The following WWOX variants were observed in gnomAD, a reference collection of about 807,000 sequenced individuals.
WWOX encodes the protein WW domain-containing oxidoreductase.
A neutral mutation model predicts 46.2 loss-of-function variants in WWOX; 69 were observed. That is an observed-to-expected ratio of 1.49 (90% CI 1.23 to 1.82). The LOEUF (loss-of-function observed/expected upper bound fraction) is 1.82. WWOX is among the 40% of genes most tolerant of loss of function. The pLI is 0.00. For missense variants in WWOX, 919 were observed against 542.6 expected (o/e 1.69, Z -6.89); for synonymous variants, 359 against 202.6 (o/e 1.77, Z -6.56).
intron 8 of WWOX, among the ~76,000 whole-genome samples, chr16:78,526,829 C>A (rs1192361305): frequency 6.6e-6 from 1 of 152,108 alleles, no homozygotes; most frequent in African/African-American, 2.4e-5. Flanking sequence ...TGAGGGGGGT[C>A]TGGGAGGGAG....
chr16:78,199,950 A>G (rs2036181853), intron 5 of WWOX, among the ~76,000 whole-genome samples: 1 of 152,246 alleles, frequency 6.6e-6, no homozygotes, highest in African/African-American at 2.4e-5. Context: ...TCCTAGTAGG[A>G]AAAATATTTA....
At chr16:79,170,674 T>TA (rs1190954517) in intron 8 of WWOX, among the ~76,000 whole-genome samples, 1 of 152,010 alleles carries the variant, frequency 6.6e-6, no homozygotes, top group Admixed American at 6.6e-5. Context: ...ACTTCTATTT[T>TA]TTTTTACAGT....
At chr16:78,696,476 T>G (rs201088355) in intron 8 of WWOX, among the ~76,000 whole-genome samples, 1 of 152,092 alleles carries the variant, frequency 6.6e-6, no homozygotes, top group African/African-American at 2.4e-5. Flanking sequence ...AGTTTCGATT[T>G]TTTTTTTTCA....
intron 8 of WWOX, among the ~76,000 whole-genome samples, chr16:78,923,895 G>C (rs546774292): frequency 6.7e-6 from 1 of 150,310 alleles, no homozygotes; most frequent in East Asian, 2.0e-4. Context: ...CGCCTCCTGG[G>C]TTCATGCCAT....
In WWOX at chr16:78,822,202, A is replaced by T. The variant is rs186967633; in HGVS notation, c.1057-389406A>T. Among the ~76,000 whole-genome samples the T allele has an allele frequency of 1.4e-3, 206 of 152,262 alleles. 1 individual carries two copies. The highest frequency in any genetic ancestry group is 3.4e-3 in the Middle Eastern group (1 of 292). Reference sequence around the variant, plus strand: ...TAAATAAACTCTTTAGTGTCAAAAAATCTACGTGAGGCCAGGTGTGGTGGC... The same window carrying T: ...TAAATAAACTCTTTAGTGTCAAAAATTCTACGTGAGGCCAGGTGTGGTGGC... On this transcript the variant is annotated intron_variant, in intron 8 of 8. Coordinates refer to ENST00000566780, the MANE Select transcript of WWOX (RefSeq NM_016373.4).
At chr16:78,331,846 G>C (rs1469147166) in intron 5 of WWOX, among the ~76,000 whole-genome samples, 1 of 152,186 alleles carries the variant, frequency 6.6e-6, no homozygotes, top group African/African-American at 2.4e-5. Flanking sequence ...CCAACAACGT[G>C]TCAGATGTCT....
At chr16:78,938,570 C>T (rs191686364) in intron 8 of WWOX, among the ~76,000 whole-genome samples, 127 of 152,050 alleles carry the variant, frequency 8.4e-4, no homozygotes, top group East Asian at 7.9e-3. Flanking sequence ...TTGTTAAATA[C>T]GGCAAATATT....
At chr16:79,020,788 T>C (rs773697860) in intron 8 of WWOX, among the ~76,000 whole-genome samples, 2 of 152,220 alleles carry the variant, frequency 1.3e-5, no homozygotes, top group Non-Finnish European at 2.9e-5. Context: ...TTCTTTTCTG[T>C]GCTCTCCATT....
intron 5 of WWOX, among the ~76,000 whole-genome samples, chr16:78,262,788 C>G (rs903141268): frequency 2.6e-5 from 4 of 152,108 alleles, no homozygotes; most frequent in African/African-American, 9.7e-5. Context: ...TAAATATAGG[C>G]CCATCTGGGC....
chr16:78,984,241 G>T (rs1023372792), intron 8 of WWOX, among the ~76,000 whole-genome samples: 1 of 152,062 alleles, frequency 6.6e-6, no homozygotes, highest in African/African-American at 2.4e-5. Context: ...ACATACCCCT[G>T]TACATGTTTG....
chr16:78,153,282 G>A (rs1040350867), intron 4 of WWOX, among the ~76,000 whole-genome samples: 1 of 152,286 alleles, frequency 6.6e-6, no homozygotes, highest in East Asian at 1.9e-4. Flanking sequence ...AAATGCCTGT[G>A]GGGGAGTTGG....
Position 78,630,768 on chromosome 16 carries a change from G to A in WWOX, c.1056+198016G>A, listed in dbSNP as rs550939077. ...TGCAAACCACCAAACCTGGGTTGGC[G>A]TTTCAGTGCCTGACACAGTTGTATT... On this transcript the variant is annotated intron_variant, in intron 8 of 8. Transcript: ENST00000566780. Among the ~76,000 whole-genome samples the A allele has an allele frequency of 1.2e-4, 18 of 152,150 alleles. 1 individual carries two copies. The East Asian group carries it at 1.4e-3, about 11-fold the overall frequency.
At chr16:78,618,798 C>G (rs534948329) in intron 8 of WWOX, among the ~76,000 whole-genome samples, 2 of 151,772 alleles carry the variant, frequency 1.3e-5, no homozygotes, top group African/African-American at 4.8e-5. Context: ...AGCTTGGAGT[C>G]GCTGCCCTGT....
intron 8 of WWOX, among the ~76,000 whole-genome samples, chr16:78,858,963 G>C (rs1385714053): frequency 1.5e-5 from 2 of 132,770 alleles, no homozygotes; most frequent in Non-Finnish European, 3.1e-5. Context: ...ACAGGTGTGA[G>C]CCACCACGGC....
intron 8 of WWOX, among the ~76,000 whole-genome samples, chr16:78,742,008 C>A (rs372522228): frequency 5.3e-5 from 8 of 152,170 alleles, no homozygotes; most frequent in Non-Finnish European, 8.8e-5. Flanking sequence ...ATCCTCTCTT[C>A]CCACCCCCTA....
chr16:78,665,451 G>A (rs143750126), intron 8 of WWOX, among the ~76,000 whole-genome samples: 385 of 152,230 alleles, frequency 2.5e-3, no homozygotes, highest in Non-Finnish European at 4.6e-3. Flanking sequence ...TGGGAAGGCC[G>A]TACTTTCCTG....
chr16:78,259,476 G>A (rs1350749761), intron 5 of WWOX, among the ~76,000 whole-genome samples: 4 of 144,928 alleles, frequency 2.8e-5, no homozygotes, highest in Admixed American at 6.7e-5. Flanking sequence ...ACAGGCACAC[G>A]CCACTATGCC....
At chr16:78,691,060 T>A (rs532573806) in intron 8 of WWOX, among the ~76,000 whole-genome samples, 150 of 152,348 alleles carry the variant, frequency 9.8e-4, no homozygotes, top group African/African-American at 3.5e-3. Flanking sequence ...GAGTTCTGAC[T>A]TCATAAAATG....
intron 8 of WWOX, among the ~76,000 whole-genome samples, chr16:78,443,174 T>G (rs1466125252): frequency 2.2e-5 from 3 of 137,438 alleles, no homozygotes; most frequent in Non-Finnish European, 4.6e-5. Flanking sequence ...GTGTGGTGAC[T>G]CGTGTCTATT....
Sources: allele counts gnomAD v4.1 joint callset (sites outside exome capture counted in the v4.1 genomes callset), GRCh38; gene constraint gnomAD v4.1.1; transcripts MANE v1.5; gene names NCBI Gene and HGNC (gene_info 2026-07-23, HGNC 2026-07-21).